The following NEGR1 variants were observed in gnomAD, a reference collection of about 807,000 sequenced individuals.
NEGR1 encodes the protein neuronal growth regulator 1.
Under a neutral mutation model 40.9 loss-of-function variants are expected in NEGR1, and 10 were observed. That is an observed-to-expected ratio of 0.24 (90% CI 0.15 to 0.42). The LOEUF is 0.42. NEGR1 is among the 10% of genes least tolerant of loss of function. The pLI is 1.00. For missense variants in NEGR1, 352 were observed against 438.9 expected (o/e 0.80, Z 1.77); for synonymous variants, 185 against 166.8 (o/e 1.11, Z -0.84).
At position 72,282,485 on chromosome 1, in the gene NEGR1, T is replaced by C; in HGVS notation, c.10A>G (p.Met4Val). The C allele has an allele frequency of 6.2e-7, 1 of 1,611,044 alleles. No homozygotes were observed. The highest frequency in any genetic ancestry group is 8.5e-7 in the Non-Finnish European group (1 of 1,179,514). The change falls in exon 1 of 7, where the codon ATG becomes GTG. Residue 4 changes from methionine to valine, a missense_variant. Coordinates refer to ENST00000357731, the MANE Select transcript of NEGR1 (RefSeq NM_173808.3). MDM[M>V]LLVQGACCSN... ...CAACAAGCACCCTGCACCAACAGCA[T>C]CATGTCCATCCCTGCTAGGGCTGCT...
chr1:72,150,535 C>T (rs1017663285), intron 1 of NEGR1, among the ~76,000 whole-genome samples: 2 of 152,102 alleles, frequency 1.3e-5, no homozygotes, highest in Non-Finnish European at 2.9e-5. Context: ...AAAGATGATA[C>T]ATGAAAATAC....
chr1:71,909,296 A>G (rs916839206), intron 2 of NEGR1, among the ~76,000 whole-genome samples: 9 of 152,234 alleles, frequency 5.9e-5, no homozygotes, highest in African/African-American at 2.4e-5. Context: ...CAAGTATTCC[A>G]TATATCAGAC....
At chr1:72,125,990 T>A (rs187445078) in intron 1 of NEGR1, among the ~76,000 whole-genome samples, 2 of 152,156 alleles carry the variant, frequency 1.3e-5, no homozygotes, top group East Asian at 3.9e-4. Flanking sequence ...AATTCTGGTT[T>A]GCGAATAGCA....
chr1:71,642,130 G>A (rs374471821), intron 4 of NEGR1, among the ~76,000 whole-genome samples: 15 of 152,002 alleles, frequency 9.9e-5, no homozygotes, highest in Middle Eastern at 6.8e-3. Context: ...TCAGGGGAGC[G>A]ACACAGTGAC....
chr1:71,695,303 AAGGTATGACTC>A (rs980365809), intron 4 of NEGR1, among the ~76,000 whole-genome samples: 1 of 151,770 alleles, frequency 6.6e-6, no homozygotes, highest in Non-Finnish European at 1.5e-5. Flanking sequence ...TGAATTATCA[AAGGTATGACTC>A]AGGGAGAAGC....
chr1:71,747,847 C>A (rs1217582969), intron 3 of NEGR1, among the ~76,000 whole-genome samples: 9 of 138,314 alleles, frequency 6.5e-5, no homozygotes, highest in African/African-American at 2.4e-4. Context: ...TTTTTTTTAA[C>A]ATTTATATTT....
At chr1:72,211,120 C>A (rs1003076072) in intron 1 of NEGR1, among the ~76,000 whole-genome samples, 2 of 151,844 alleles carry the variant, frequency 1.3e-5, no homozygotes, top group African/African-American at 4.8e-5. Flanking sequence ...CATCCTCTTT[C>A]ATCAGTGCCA....
At chr1:71,948,645 C>T (rs1011159928) in intron 1 of NEGR1, among the ~76,000 whole-genome samples, 1 of 152,022 alleles carries the variant, frequency 6.6e-6, no homozygotes, top group South Asian at 2.1e-4. Context: ...TTCATCTGAG[C>T]TCTTTCTTAC....
chr1:71,801,183 C>T (rs1027744847), intron 2 of NEGR1, among the ~76,000 whole-genome samples: 1 of 152,184 alleles, frequency 6.6e-6, no homozygotes, highest in Non-Finnish European at 1.5e-5. Flanking sequence ...TCCTGGTTTT[C>T]TACTAACCTT....
chr1:72,056,783 A>T (rs941433468), intron 1 of NEGR1, among the ~76,000 whole-genome samples: 1 of 151,524 alleles, frequency 6.6e-6, no homozygotes, highest in Non-Finnish European at 1.5e-5. Context: ...ATAGAACATG[A>T]AAGTTTTGTT....
At chr1:71,434,148 A>G (rs1223764588) in intron 6 of NEGR1, among the ~76,000 whole-genome samples, 2 of 152,178 alleles carry the variant, frequency 1.3e-5, no homozygotes, top group African/African-American at 4.8e-5. Flanking sequence ...CAGTTTGAAA[A>G]AACTGGCAGA....
chr1:71,956,068 A>G (rs1371854141), intron 1 of NEGR1, among the ~76,000 whole-genome samples: 1 of 152,226 alleles, frequency 6.6e-6, no homozygotes, highest in Non-Finnish European at 1.5e-5. Flanking sequence ...AAATATTTTT[A>G]AAAGGCAAGG....
At chr1:71,471,508 T>TTTA (rs1363098525) in intron 6 of NEGR1, among the ~76,000 whole-genome samples, 3 of 151,950 alleles carry the variant, frequency 2.0e-5, no homozygotes, top group Non-Finnish European at 4.4e-5. Context: ...CAGCCAGGTG[T>TTTA]GGTAACACCT....
chr1:71,935,434 A>T lies in NEGR1; in HGVS notation c.177-123T>A, dbSNP rs533824839. On this transcript the variant is annotated intron_variant, in intron 1 of 6. Transcript: ENST00000357731. The stretch of plus-strand genomic sequence containing the variant: ...ACAGCATCAAATGCAAACATCAGAC[A>T]TTAACTCAGGAAACATGAACATACT... The T allele has an allele frequency of 3.5e-4, 234 of 662,490 alleles. 2 individuals carry two copies. The South Asian group carries it at 3.6e-3, about 10-fold the overall frequency. 41.0% of individuals were successfully genotyped at this position (662,490 alleles called of 1,614,324 possible). A position where few individuals can be genotyped will look rare whatever the true frequency, so the allele number is the denominator to read the frequency against.
intron 6 of NEGR1, among the ~76,000 whole-genome samples, chr1:71,445,565 A>C (rs1374668437): frequency 6.6e-6 from 1 of 152,208 alleles, no homozygotes; most frequent in Non-Finnish European, 1.5e-5. Flanking sequence ...GACACAACTG[A>C]CACCTGAGTC....
chr1:72,005,038 T>G (rs980945491), intron 1 of NEGR1, among the ~76,000 whole-genome samples: 3 of 152,174 alleles, frequency 2.0e-5, no homozygotes, highest in Non-Finnish European at 4.4e-5. Flanking sequence ...GACTTCCTAT[T>G]GTACTTGCTT....
intron 1 of NEGR1, among the ~76,000 whole-genome samples, chr1:71,999,326 C>T (rs1646533923): frequency 6.6e-6 from 1 of 151,700 alleles, no homozygotes; most frequent in Admixed American, 6.6e-5. Context: ...TAATAATGTC[C>T]ACTATTAGTT....
chr1:72,142,407 C>G (rs985860555), intron 1 of NEGR1, among the ~76,000 whole-genome samples: 1 of 151,716 alleles, frequency 6.6e-6, no homozygotes, highest in Admixed American at 6.6e-5. Context: ...TTTCATGCTA[C>G]CAAAACATTT....
intron 1 of NEGR1, among the ~76,000 whole-genome samples, chr1:72,252,524 T>C (rs1172248642): frequency 1.3e-5 from 2 of 152,210 alleles, no homozygotes; most frequent in African/African-American, 4.8e-5. Context: ...CTCAATATTC[T>C]AGTACATATC....
Sources: gnomAD v4.1 joint callset for allele counts (sites outside exome capture counted in the v4.1 genomes callset) on GRCh38, gnomAD v4.1.1 for gene constraint, MANE v1.5 for transcripts, NCBI Gene and HGNC (gene_info 2026-07-23, HGNC 2026-07-21) for gene names.